The following TEX2 variants were observed in gnomAD, a reference collection of about 807,000 sequenced individuals.
TEX2 encodes the protein testis-expressed protein 2.
In TEX2, 53 loss-of-function variants were observed where a neutral mutation model predicts 106.9. That is an observed-to-expected ratio of 0.50 (90% CI 0.40 to 0.62). The LOEUF is 0.62. TEX2 is among the 20% of genes least tolerant of loss of function. The pLI is 0.00. For synonymous variants in TEX2, 523 were observed against 534.8 expected, an observed-to-expected ratio of 0.98 and a Z score of 0.30; for missense variants, 1,207 against 1,379.0, an observed-to-expected ratio of 0.88 and a Z score of 1.98.
intron 2 of TEX2, among the ~76,000 whole-genome samples, chr17:64,200,020 G>A (rs1284130267): frequency 2.0e-5 from 3 of 152,176 alleles, no homozygotes; most frequent in Admixed American, 1.3e-4. Context: ...GATAATCTAA[G>A]TAATCACCTA....
chr17:64,251,398 T>A (rs1168361428), intron 1 of TEX2, among the ~76,000 whole-genome samples: 1 of 152,200 alleles, frequency 6.6e-6, no homozygotes. Context: ...AAATTTCTAA[T>A]TAATATAAAG....
At chr17:64,151,028 A>T in intron 10 of TEX2, 67 bp from the exon 11 acceptor site, 1 of 1,559,226 alleles carries the variant, frequency 6.4e-7, no homozygotes, top group East Asian at 2.3e-5. Context: ...ACTGACAGCA[A>T]ACAGTTCTCA....
intron 2 of TEX2, among the ~76,000 whole-genome samples, chr17:64,196,048 G>A (rs1052966231): frequency 3.9e-5 from 6 of 152,186 alleles, no homozygotes; most frequent in African/African-American, 1.4e-4. Context: ...ATGGGAGTTG[G>A]GACTGTCATT....
In TEX2 at chr17:64,178,519, C is replaced by T. The variant is rs149926167; in HGVS notation, c.2425-1048G>A. On this transcript the variant is annotated intron_variant, in intron 5 of 11. Coordinates refer to ENST00000584379, the MANE Select transcript of TEX2 (RefSeq NM_001288732.2). ...TGAGTGCAGCGCCTGACACACAGTC[C>T]TGTTCTCCCATCCTCTATCTGCTCT... Among the ~76,000 whole-genome samples the T allele has an allele frequency of 5.3e-5, 8 of 152,274 alleles. No individual in the cohort carries two copies. In the East Asian group the frequency reaches 1.5e-3, roughly 29 times the overall value.
intron 1 of TEX2, among the ~76,000 whole-genome samples, chr17:64,227,181 C>T (rs2143266579): frequency 1.3e-5 from 2 of 149,956 alleles, no homozygotes; most frequent in South Asian, 4.2e-4. Flanking sequence ...AGCTGAGATC[C>T]TGCCACTGCA....
intron 5 of TEX2, 29 bp from the exon 6 acceptor site, chr17:64,177,500 C>T (rs1343395557): frequency 6.2e-7 from 1 of 1,607,362 alleles, no homozygotes; most frequent in Admixed American, 1.7e-5. Context: ...CCAAAATTAG[C>T]TAGAAAGCAA....
chr17:64,183,579 A>T lies in TEX2; in HGVS notation c.2424+4589T>A, dbSNP rs144956020. ...GTAGCTGGGATTACAGGCATGCGCC[A>T]CCATGCCTGGCTAATTTTTTGTATT... On this transcript the variant is annotated intron_variant, in intron 5 of 11. Coordinates refer to ENST00000584379, the MANE Select transcript of TEX2 (RefSeq NM_001288732.2). Among the ~76,000 whole-genome samples, 101 of 152,226 alleles carry T rather than the reference A, an allele frequency of 6.6e-4. 1 individual carries two copies. In the East Asian group the frequency reaches 0.015, roughly 22 times the overall value.
intron 2 of TEX2, among the ~76,000 whole-genome samples, chr17:64,210,940 T>C (rs2032983420): frequency 6.6e-6 from 1 of 151,900 alleles, no homozygotes; most frequent in Non-Finnish European, 1.5e-5. Flanking sequence ...CTCCAAAGCC[T>C]ACCTCTGTTA....
At chr17:64,206,398 T>G (rs1244004499) in intron 2 of TEX2, among the ~76,000 whole-genome samples, 1 of 152,204 alleles carries the variant, frequency 6.6e-6, no homozygotes, top group African/African-American at 2.4e-5. Flanking sequence ...CACATGCCAC[T>G]TCCTGTTGAA....
At chr17:64,178,306 G>T (rs765185724) in intron 5 of TEX2, among the ~76,000 whole-genome samples, 6 of 152,128 alleles carry the variant, frequency 3.9e-5, no homozygotes, top group Non-Finnish European at 8.8e-5. Flanking sequence ...GATAAAGAAG[G>T]GTAAACAGCA....
At chr17:64,221,188 C>A (rs2033349334) in intron 1 of TEX2, among the ~76,000 whole-genome samples, 1 of 152,078 alleles carries the variant, frequency 6.6e-6, no homozygotes, top group Non-Finnish European at 1.5e-5. Flanking sequence ...ATAACACACA[C>A]TGGGGCCTGT....
chr17:64,193,463 G>GCTTC (rs3841655), intron 4 of TEX2, 96 bp downstream of exon 4: 276 of 993,846 alleles, frequency 2.8e-4, no homozygotes, highest in Admixed American at 5.7e-4. Flanking sequence ...TTCAGGGTGG[G>GCTTC]CTTCCTTCCT....
At chr17:64,221,247 T>C (rs2033351359) in intron 1 of TEX2, among the ~76,000 whole-genome samples, 1 of 152,120 alleles carries the variant, frequency 6.6e-6, no homozygotes, top group Non-Finnish European at 1.5e-5. Flanking sequence ...AAATAGCTAA[T>C]GCATGTGGGG....
intron 10 of TEX2, among the ~76,000 whole-genome samples, chr17:64,151,600 G>A (rs1308696412): frequency 6.6e-6 from 1 of 152,150 alleles, no homozygotes; most frequent in Non-Finnish European, 1.5e-5. Context: ...AATCTGTCCT[G>A]GACCAGTGCT....
At chr17:64,222,913 T>A (rs576469054) in intron 1 of TEX2, among the ~76,000 whole-genome samples, 3 of 152,190 alleles carry the variant, frequency 2.0e-5, no homozygotes, top group Non-Finnish European at 4.4e-5. Flanking sequence ...GAAAGCAGGA[T>A]GTCTCAAACT....
chr17:64,194,451 ATACT>A lies in TEX2; in HGVS notation c.1845+440_1845+443del, dbSNP rs1469571483. Among the ~76,000 whole-genome samples the A allele has an allele frequency of 3.9e-5, 6 of 152,262 alleles. No homozygotes were observed. In the East Asian group the frequency reaches 9.6e-4, roughly 24 times the overall value. Reference sequence around the variant, plus strand: ...TTTCTCACAAAAATAGAAGTATATAATACTTAATCAAAATGTAGTTATTTTGCAT... The same window carrying A: ...TTTCTCACAAAAATAGAAGTATATAATAATCAAAATGTAGTTATTTTGCAT... On this transcript the variant is annotated intron_variant, in intron 3 of 11. Coordinates refer to ENST00000584379, the MANE Select transcript of TEX2 (RefSeq NM_001288732.2).
chr17:64,158,357 G>A (rs1237895868), intron 8 of TEX2, among the ~76,000 whole-genome samples: 1 of 152,222 alleles, frequency 6.6e-6, no homozygotes, highest in African/African-American at 2.4e-5. Context: ...AGATGAAGCC[G>A]AGGCCCTGCC....
rs1359712356 is a variant in TEX2, at chr17:64,185,060, T to C, written c.2424+3108A>G. Among the ~76,000 whole-genome samples, 1 of 152,222 alleles carries C rather than the reference T, an allele frequency of 6.6e-6. No individual in the cohort carries two copies. Among genetic ancestry groups the C allele is most frequent in the Non-Finnish European group, 1.5e-5 (1 of 68,042 alleles). ...GACTTCCTGGTTTCTATTTGACTCCTATTTGCTCTGTAACATTCTCATCTT... is the reference window on the plus strand; with the variant it reads ...GACTTCCTGGTTTCTATTTGACTCCCATTTGCTCTGTAACATTCTCATCTT... On this transcript the variant is annotated intron_variant, in intron 5 of 11. Transcript: ENST00000584379. The surrounding 1 kb of genome is among the most constrained non-coding windows in gnomAD (Gnocchi z 4.0).
intron 1 of TEX2, among the ~76,000 whole-genome samples, chr17:64,220,433 G>A (rs1212966329): frequency 1.3e-5 from 2 of 152,026 alleles, no homozygotes; most frequent in African/African-American, 4.8e-5. Context: ...TACAGAATGG[G>A]AGAAAATTTT....
Sources: gnomAD v4.1 joint callset for allele counts (sites outside exome capture counted in the v4.1 genomes callset) on GRCh38, gnomAD v4.1.1 for gene constraint, Gnocchi (gnomAD v3.1) non-coding constraint, MANE v1.5 for transcripts, NCBI Gene and HGNC (gene_info 2026-07-23, HGNC 2026-07-21) for gene names.